HYCC1: variants seen among roughly 807,000 people sequenced by gnomAD.
HYCC1 encodes the protein hyccin.
chr7:22,963,994 A>G, the HYCC1 span, among the ~76,000 whole-genome samples: 5 of 152,178 alleles, frequency 3.3e-5, no homozygotes, highest in African/African-American at 4.8e-5. Flanking sequence ...ACTAATAGAA[A>G]GCTAATAATA....
the HYCC1 span, chr7:22,976,723 G>A: frequency 4.1e-5 from 66 of 1,612,164 alleles, no homozygotes; most frequent in East Asian, 1.4e-3. Context: ...CTCCCTTTGA[G>A]GATGAGGTCC....
chr7:22,937,905 A>G, the HYCC1 span: 1 of 152,216 alleles, frequency 6.6e-6, no homozygotes, highest in Non-Finnish European at 1.5e-5. Flanking sequence ...CCAAAGATAC[A>G]TCAATTGTTG....
At chr7:22,969,900 T>C in the HYCC1 span, among the ~76,000 whole-genome samples, 2 of 152,200 alleles carry the variant, frequency 1.3e-5, no homozygotes, top group Non-Finnish European at 2.9e-5. Flanking sequence ...ACGGTATCTA[T>C]GGGACATGTT....
chr7:23,009,481 C>T, the HYCC1 span, among the ~76,000 whole-genome samples: 3 of 152,122 alleles, frequency 2.0e-5, no homozygotes, highest in Non-Finnish European at 4.4e-5. Context: ...CAAAACTTTT[C>T]ACTTCCTCTC....
the HYCC1 span, among the ~76,000 whole-genome samples, chr7:22,908,755 A>C: frequency 6.6e-6 from 1 of 152,328 alleles, no homozygotes; most frequent in Non-Finnish European, 1.5e-5. Flanking sequence ...AGCCCTTGAA[A>C]TGTCTTGACT....
the HYCC1 span, among the ~76,000 whole-genome samples, chr7:22,972,718 G>A: frequency 6.6e-6 from 1 of 152,070 alleles, no homozygotes; most frequent in Admixed American, 6.5e-5. Flanking sequence ...ATTCAGTTTA[G>A]CTCTTGCTTG....
chr7:22,930,963 A>G, the HYCC1 span, among the ~76,000 whole-genome samples: 1 of 152,130 alleles, frequency 6.6e-6, no homozygotes, highest in Admixed American at 6.6e-5. Flanking sequence ...AAAACACTCA[A>G]CAAACTACAA....
the HYCC1 span, among the ~76,000 whole-genome samples, chr7:22,998,298 T>A: frequency 6.6e-6 from 1 of 152,190 alleles, no homozygotes; most frequent in Admixed American, 6.5e-5. Context: ...CTCCCTCTTT[T>A]TTGAGCCAGC....
At chr7:22,906,010 T>C in the HYCC1 span, among the ~76,000 whole-genome samples, 1 of 152,200 alleles carries the variant, frequency 6.6e-6, no homozygotes, top group Admixed American at 6.5e-5. Context: ...GTGTAATTCA[T>C]CTGGAAAGAT....
the HYCC1 span, among the ~76,000 whole-genome samples, chr7:23,013,381 G>A: frequency 6.6e-6 from 1 of 152,250 alleles, no homozygotes; most frequent in Non-Finnish European, 1.5e-5. Context: ...CTCTCCAGGG[G>A]GCGAGGGCGG....
the HYCC1 span, among the ~76,000 whole-genome samples, chr7:22,923,497 C>T: frequency 6.6e-6 from 1 of 151,674 alleles, no homozygotes; most frequent in South Asian, 2.1e-4. Context: ...ATTAAGTACA[C>T]TGTAAAAAGA....
At chr7:22,948,082 G>A in the HYCC1 span, among the ~76,000 whole-genome samples, 1 of 152,164 alleles carries the variant, frequency 6.6e-6, no homozygotes, top group Non-Finnish European at 1.5e-5. Context: ...CTGTAGACAT[G>A]ATTTTATTCT....
chr7:22,932,482 T>A, the HYCC1 span, among the ~76,000 whole-genome samples: 6 of 152,182 alleles, frequency 3.9e-5, no homozygotes, highest in Non-Finnish European at 8.8e-5. Flanking sequence ...CCTTTTTGAT[T>A]GGAAATATCT....
At chr7:22,988,210 C>T in the HYCC1 span, among the ~76,000 whole-genome samples, 1 of 152,250 alleles carries the variant, frequency 6.6e-6, no homozygotes, top group South Asian at 2.1e-4. Context: ...AATATCCCTC[C>T]TTGAACTGGC....
chr7:22,953,222 A>G, the HYCC1 span, among the ~76,000 whole-genome samples: 1 of 151,840 alleles, frequency 6.6e-6, no homozygotes, highest in African/African-American at 2.4e-5. Flanking sequence ...CCTCATGACC[A>G]CGTAGCACAG....
At chr7:22,910,941 T>C in the HYCC1 span, among the ~76,000 whole-genome samples, 1 of 152,264 alleles carries the variant, frequency 6.6e-6, no homozygotes, top group East Asian at 1.9e-4. Context: ...TGTTTATATT[T>C]TATTATATTA....
chr7:23,012,318 A>G, the HYCC1 span, among the ~76,000 whole-genome samples: 1 of 152,340 alleles, frequency 6.6e-6, no homozygotes, highest in Non-Finnish European at 1.5e-5. Context: ...ATTTCATAAA[A>G]CAGAAATACA....
chr7:22,958,809 C>T, the HYCC1 span, among the ~76,000 whole-genome samples: 7 of 152,118 alleles, frequency 4.6e-5, no homozygotes, highest in African/African-American at 1.4e-4. Context: ...GCAGGACCTA[C>T]ATTTCTCTCC....
the HYCC1 span, among the ~76,000 whole-genome samples, chr7:23,010,852 A>G: frequency 6.6e-6 from 1 of 152,160 alleles, no homozygotes; most frequent in Non-Finnish European, 1.5e-5. Context: ...AGCTATAGCT[A>G]TCATTTTCTC....
Sources: allele counts gnomAD v4.1 joint callset (sites outside exome capture counted in the v4.1 genomes callset), GRCh38; gene constraint gnomAD v4.1.1; transcripts MANE v1.5; gene names NCBI Gene and HGNC (gene_info 2026-07-23, HGNC 2026-07-21).